ITPR2: variants seen among roughly 807,000 people sequenced by gnomAD.
The protein encoded by ITPR2 is inositol 1,4,5-trisphosphate receptor type 2, also known as inositol 1,4,5-trisphosphate-gated calcium channel ITPR2.
In ITPR2, 207 loss-of-function variants were observed where a neutral mutation model predicts 317.1. That is an observed-to-expected ratio of 0.65 (90% CI 0.58 to 0.73). The LOEUF (loss-of-function observed/expected upper bound fraction) is 0.73. ITPR2 is among the 30% of genes least tolerant of loss of function. The probability of loss-of-function intolerance (pLI) is 0.00; values close to 1 mark genes in which losing one functional copy is unlikely to be tolerated. For missense variants in ITPR2, 2,613 were observed against 3,284.0 expected (o/e 0.80, Z 4.99); for synonymous variants, 1,156 against 1,149.1 (o/e 1.01, Z -0.12).
chr12:26,657,659 T>C, intron 18 of ITPR2, 48 bp downstream of exon 18: 1 of 1,531,096 alleles, frequency 6.5e-7, no homozygotes, highest in Non-Finnish European at 9.0e-7. Context: ...AGTTCTCAAT[T>C]AATATGTGAG....
chr12:26,399,061 A>G lies in ITPR2; in HGVS notation c.7531-20T>C, dbSNP rs1388590724. 3 of 1,543,312 alleles carry G rather than the reference A, an allele frequency of 1.9e-6. No individual in the cohort carries two copies. Among genetic ancestry groups the G allele is most frequent in the Non-Finnish European group, 2.6e-6 (3 of 1,150,704 alleles). ...GGGCTCCTGAAATAAAAATATTTAA[A>G]AAAATCACACTAGGCATAGTGATTG... On this transcript the variant is annotated intron_variant, in intron 53 of 56. Transcript: ENST00000381340.
chr12:26,561,877 T>A lies in ITPR2; in HGVS notation c.4706A>T (p.Asn1569Ile). ...ACCCATTGCTGCTCTCTGCACCATA[T>A]TTGAATGGCTCTTCATGAAAAGAGT... Reference protein sequence around the residue: ...VNTLFMKSHSNMVQRAAMGWR... With the variant: ...VNTLFMKSHSIMVQRAAMGWR... Residue 1569 changes from asparagine to isoleucine, a missense_variant, in exon 35 of 57, where the codon AAT (asparagine) becomes ATT (isoleucine). Physicochemically the swap from Asn to Ile is moderately radical, Grantham distance 149. This residue lies in a region of ITPR2 where 926 missense variants were observed against 1,072.8 expected (regional missense o/e 0.86). Coordinates refer to ENST00000381340, the MANE Select transcript of ITPR2 (RefSeq NM_002223.4). 1 of 1,590,374 alleles carries A rather than the reference T, an allele frequency of 6.3e-7. No individual in the cohort carries two copies.
rs1565631367 is a variant in ITPR2, at chr12:26,600,018, TGAA to T, written c.3767_3769del (p.Leu1256del). ...AGTTAAAAACAAATTCAGATGTTTA[TGAA>T]GAAGAACTTGATTCTGTGGATTTCC... On this transcript the variant is annotated inframe_deletion, in exon 29 of 57. Coordinates refer to ENST00000381340, the MANE Select transcript of ITPR2 (RefSeq NM_002223.4). 1.9e-6 allele frequency: 3 copies of T among 1,606,950 alleles called. No individual in the cohort carries two copies. Among genetic ancestry groups the T allele is most frequent in the Non-Finnish European group, 2.6e-6 (3 of 1,173,932 alleles).
At chr12:26,632,723 A>C (rs1357161161) in intron 21 of ITPR2, among the ~76,000 whole-genome samples, 1 of 152,210 alleles carries the variant, frequency 6.6e-6, no homozygotes, top group Non-Finnish European at 1.5e-5. Context: ...TTATGGAAAC[A>C]AGCTAGTGAC....
At chr12:26,360,033 C>T (rs2136576092) in intron 55 of ITPR2, among the ~76,000 whole-genome samples, 1 of 152,258 alleles carries the variant, frequency 6.6e-6, no homozygotes, top group African/African-American at 2.4e-5. Context: ...ATCACTGACA[C>T]ACAAAGAGAA....
chr12:26,395,319 G>T (rs947092026), intron 54 of ITPR2, among the ~76,000 whole-genome samples: 1 of 152,122 alleles, frequency 6.6e-6, no homozygotes, highest in Non-Finnish European at 1.5e-5. Flanking sequence ...ACTTCAATTT[G>T]TTGATGACAG....
intron 13 of ITPR2, 136 bp downstream of exon 13, chr12:26,681,738 G>A (rs1227351185): frequency 1.7e-5 from 10 of 574,738 alleles, no homozygotes; most frequent in African/African-American, 3.7e-5. Flanking sequence ...AGAGGAATAA[G>A]TTCCCATCTC....
In ITPR2 at chr12:26,596,973, C is replaced by T. The variant is rs1486537285; in HGVS notation, c.4164G>A (p.Gly1388=). ...ACTTGATTTCAGTGTAGACATTTTT[C>T]CCCTCTGTGCATGCTGCCAGCAACT... ...LVELLAACTE[G]KNVYTEIKCN... The change falls in exon 31 of 57, where the codon GGG becomes GGA. Residue 1388 remains glycine, a synonymous_variant. Coordinates refer to ENST00000381340, the MANE Select transcript of ITPR2 (RefSeq NM_002223.4). The T allele has an allele frequency of 1.2e-6, 2 of 1,611,982 alleles. No homozygotes were observed. Among genetic ancestry groups the T allele is most frequent in the South Asian group, 1.1e-5 (1 of 90,630 alleles).
At chr12:26,414,421 C>T (rs1940656896) in intron 51 of ITPR2, among the ~76,000 whole-genome samples, 1 of 152,164 alleles carries the variant, frequency 6.6e-6, no homozygotes, top group Non-Finnish European at 1.5e-5. Context: ...CCTAGTTTTA[C>T]ATTTAACGGT....
rs552752440 is a variant in ITPR2 at position 26,389,879 on chromosome 12, T to C, written c.7697-2285A>G. Among the ~76,000 whole-genome samples the C allele has an allele frequency of 7.2e-5, 11 of 152,306 alleles. No individual in the cohort carries two copies. The South Asian group carries it at 2.3e-3, about 32-fold the overall frequency. On this transcript the variant is annotated intron_variant, in intron 54 of 56. Coordinates refer to ENST00000381340, the MANE Select transcript of ITPR2 (RefSeq NM_002223.4). ...AAGAAATGTTATTTCATCCAGCAAC[T>C]TGGATAAAAATTTATTACATTTATT...
intron 2 of ITPR2, among the ~76,000 whole-genome samples, chr12:26,729,693 G>A (rs1310257326): frequency 6.6e-6 from 1 of 152,052 alleles, no homozygotes; most frequent in Non-Finnish European, 1.5e-5. Flanking sequence ...TAGCAAGCTA[G>A]TGCAGGAACA....
At chr12:26,454,033 TGGATGGATGGAC>T (rs1286526432) in intron 45 of ITPR2, among the ~76,000 whole-genome samples, 1 of 152,076 alleles carries the variant, frequency 6.6e-6, no homozygotes, top group African/African-American at 2.4e-5. Context: ...GATGGATGGA[TGGATGGATGGAC>T]GGATGGATGG....
At chr12:26,556,526 G>T in intron 35 of ITPR2, 151 bp from the exon 36 acceptor site, 2 of 696,830 alleles carry the variant, frequency 2.9e-6, no homozygotes, top group Non-Finnish European at 4.4e-6. Flanking sequence ...TTATAGTCTG[G>T]TTTTATGTAA....
intron 1 of ITPR2, 94 bp downstream of exon 1, chr12:26,832,596 G>A: frequency 1.1e-6 from 1 of 912,782 alleles, no homozygotes; most frequent in South Asian, 1.7e-5. Context: ...GCCACCACGC[G>A]CGGCAGCGGG....
At chr12:26,533,208 G>A (rs80034819) in intron 37 of ITPR2, among the ~76,000 whole-genome samples, 1 of 152,026 alleles carries the variant, frequency 6.6e-6, no homozygotes, top group South Asian at 2.1e-4. Context: ...ATGATGTTTT[G>A]ACTTTCTGCT....
intron 32 of ITPR2, among the ~76,000 whole-genome samples, chr12:26,584,575 T>C (rs921587588): frequency 2.0e-5 from 3 of 152,188 alleles, no homozygotes; most frequent in African/African-American, 7.2e-5. Context: ...AGTTACCATA[T>C]GTTGAGCAGC....
At chr12:26,655,972 C>T in intron 19 of ITPR2, 120 bp from the exon 20 acceptor site, 1 of 992,416 alleles carries the variant, frequency 1.0e-6, no homozygotes, top group Non-Finnish European at 1.5e-6. Context: ...TTCCTAGAGG[C>T]TGGGTCCTCA....
chr12:26,350,165 A>T (rs1359591238), intron 55 of ITPR2, among the ~76,000 whole-genome samples: 2 of 152,110 alleles, frequency 1.3e-5, no homozygotes, highest in African/African-American at 4.8e-5. Flanking sequence ...TCCTGACTTT[A>T]GGGAGGCGGA....
At chr12:26,474,184 T>A (rs996813369) in intron 45 of ITPR2, among the ~76,000 whole-genome samples, 7 of 152,302 alleles carry the variant, frequency 4.6e-5, no homozygotes, top group African/African-American at 1.4e-4. Flanking sequence ...AGAATCTGAC[T>A]TTATATCTAT....
Sources: allele counts gnomAD v4.1 joint callset (sites outside exome capture counted in the v4.1 genomes callset), GRCh38; gene constraint gnomAD v4.1.1; regional missense constraint gnomAD v4.1.1; transcripts MANE v1.5; gene names NCBI Gene and HGNC (gene_info 2026-07-23, HGNC 2026-07-21).